DENND3: variants seen among roughly 807,000 people sequenced by gnomAD.
DENND3 encodes DENN domain-containing protein 3.
A neutral mutation model predicts 135.1 loss-of-function variants in DENND3; 88 were observed. The observed-to-expected ratio is 0.65, with a 90% CI of 0.55 to 0.78. The LOEUF is 0.78. Ranked by LOEUF, DENND3 falls within the 30% of genes least tolerant of loss-of-function variation. DENND3 has a pLI of 0.00. For synonymous variants in DENND3, 693 were observed against 712.3 expected (o/e 0.97, Z 0.43); for missense variants, 1,392 against 1,688.4 (o/e 0.82, Z 3.08).
In DENND3 at chr8:141,156,003, A is replaced by G. The variant is rs767743519; in HGVS notation, c.1196+33A>G. On this transcript the variant is annotated intron_variant, in intron 8 of 22. Transcript: ENST00000519811. The stretch of plus-strand genomic sequence containing the variant: ...GAAACATTAATGGTATGAATTTCAG[A>G]CCGTCTTTGTTCAGATTCTGTATTT... The G allele has an allele frequency of 1.1e-5, 17 of 1,574,026 alleles. No homozygotes were observed. In the East Asian group the frequency reaches 3.9e-4, roughly 36 times the overall value.
Position 141,182,945 on chromosome 8 carries a change from C to T in DENND3, c.2944+2091C>T, listed in dbSNP as rs1003392495. ...CACTGGAATCGCACCCCAGAAAGAC[C>T]GGGAGGCCTGCCCTTCTGGACTCAG... On this transcript the variant is annotated intron_variant, in intron 17 of 22. Transcript: ENST00000519811. This position sits in a 1 kb window ranked among gnomAD's most constrained non-coding sequence, Gnocchi z 5.9. Among the ~76,000 whole-genome samples, 5 of 152,214 alleles carry T rather than the reference C, an allele frequency of 3.3e-5. No individual in the cohort carries two copies. Among genetic ancestry groups the T allele is most frequent in the Admixed American group, 6.5e-5 (1 of 15,282 alleles).
chr8:141,175,456 A>T lies in DENND3; in HGVS notation c.2532A>T (p.Ile844=). The T allele has an allele frequency of 6.2e-7, 1 of 1,614,242 alleles. No individual in the cohort carries two copies. Among genetic ancestry groups the T allele is most frequent in the South Asian group, 1.1e-5 (1 of 91,082 alleles). Residue 844 remains isoleucine, a synonymous_variant, in exon 14 of 23, where the codon ATA becomes ATT. Coordinates refer to ENST00000519811, the MANE Select transcript of DENND3 (RefSeq NM_001352890.3). This position sits in a 1 kb window ranked among gnomAD's most constrained non-coding sequence, Gnocchi z 5.4. ...TGGAGATTTCCACCTTCAGAAATAT[A>T]GAGGTAAGGACAGCACAGGCAGACG... ...GYLEISTFRN[I]EEVRRTTTTF... is the part of the protein sequence containing the mutation.
intron 22 of DENND3, chr8:141,192,911 G>A: frequency 1.4e-6 from 2 of 1,467,220 alleles, no homozygotes; most frequent in African/African-American, 1.4e-5. Flanking sequence ...TCAAATGACA[G>A]AACTTAATTT....
At chr8:141,132,919 C>T (rs191060739) in intron 1 of DENND3, among the ~76,000 whole-genome samples, 31 of 152,272 alleles carry the variant, frequency 2.0e-4, no homozygotes, top group African/African-American at 6.7e-4. Flanking sequence ...GAATGAGGAA[C>T]GATATCGCCT....
At chr8:141,181,046 C>G (rs1823031764) in intron 17 of DENND3, among the ~76,000 whole-genome samples, 192 bp downstream of exon 17, 1 of 152,204 alleles carries the variant, frequency 6.6e-6, no homozygotes, top group African/African-American at 2.4e-5. Context: ...TCCACGGACT[C>G]AGCCTCACGG....
chr8:141,135,843 T>G (rs886357344), intron 1 of DENND3, among the ~76,000 whole-genome samples: 4 of 152,196 alleles, frequency 2.6e-5, no homozygotes, highest in African/African-American at 9.7e-5. Flanking sequence ...TTTTATTGAT[T>G]TGAGGGACTG....
intron 1 of DENND3, among the ~76,000 whole-genome samples, chr8:141,134,457 G>A (rs901951257): frequency 1.3e-4 from 20 of 151,708 alleles, no homozygotes; most frequent in Middle Eastern, 3.4e-3. Flanking sequence ...CACCATGCCC[G>A]GCTAATTTTT....
rs1269538562 is a variant in DENND3 at position 141,151,811 on chromosome 8, C to T, written c.1048C>T (p.Leu350Phe). The T allele has an allele frequency of 6.2e-7, 1 of 1,614,244 alleles. No individual in the cohort carries two copies. Among genetic ancestry groups the T allele is most frequent in the Middle Eastern group, 1.7e-4 (1 of 6,048 alleles). Residue 350 changes from leucine to phenylalanine, a missense_variant, in exon 7 of 23, where the codon CTC becomes TTC. Coordinates refer to ENST00000519811, the MANE Select transcript of DENND3 (RefSeq NM_001352890.3). ...CACGTCCTTCCTGATGGGCTGCCAT[C>T]TCGACCACTTCGAAGAAGTCAGCAA... Reference protein sequence around the residue: ...APTSFLMGCHLDHFEEVSKEA... With the variant: ...APTSFLMGCHFDHFEEVSKEA...
rs1229006801 is a variant in DENND3 at position 141,150,948 on chromosome 8, C to CT, written c.851dup (p.Gln285ThrfsTer27). On this transcript the variant is annotated frameshift_variant, in exon 6 of 23. Transcript: ENST00000519811. LOFTEE classifies it high-confidence loss of function. ...GCTGTGCTTCAGGCCTGAGAAGGTG[C>CT]TACAGGTACGCGGCCCCGCCCCGGC... 6.4e-7 allele frequency: 1 copy of CT among 1,571,504 alleles called. No homozygotes were observed. The highest frequency in any genetic ancestry group is 2.0e-5 in the Admixed American group (1 of 49,296).
Position 141,167,613 on chromosome 8 carries a change from C to T in DENND3, c.1754-391C>T, listed in dbSNP as rs953837785. On this transcript the variant is annotated intron_variant, in intron 12 of 22. Transcript: ENST00000519811. This position sits in a 1 kb window ranked among gnomAD's most constrained non-coding sequence, Gnocchi z 4.1. ...GTAGAACGGGACTATAGTAATAATA[C>T]CCCTGTCCTGAGTTGTCTTTAAGGT... is the stretch of plus-strand genomic sequence containing the variant. Among the ~76,000 whole-genome samples the T allele has an allele frequency of 6.6e-6, 1 of 152,184 alleles. No individual in the cohort carries two copies. Among genetic ancestry groups the T allele is most frequent in the Non-Finnish European group, 1.5e-5 (1 of 68,036 alleles).
chr8:141,161,603 C>T (rs1321876364), intron 9 of DENND3, among the ~76,000 whole-genome samples: 1 of 152,184 alleles, frequency 6.6e-6, no homozygotes. Context: ...TTCTCCCACC[C>T]TTTCTCCTTT....
At chr8:141,155,745 G>T in intron 7 of DENND3, 104 bp from the exon 8 acceptor site, 1 of 1,386,018 alleles carries the variant, frequency 7.2e-7, no homozygotes, top group South Asian at 1.5e-5. Context: ...AATTAATGAT[G>T]ACACTGTCTT....
intron 7 of DENND3, 36 bp from the exon 8 acceptor site, chr8:141,155,813 T>C (rs1231127238): frequency 6.5e-7 from 1 of 1,546,464 alleles, no homozygotes; most frequent in Non-Finnish European, 8.7e-7. Context: ...CCGAAATTCT[T>C]TTATCAATCT....
chr8:141,186,854 CCT>C (rs1299880813), intron 18 of DENND3, among the ~76,000 whole-genome samples: 5 of 152,132 alleles, frequency 3.3e-5, no homozygotes, highest in African/African-American at 4.8e-5. Flanking sequence ...GGGGATTTTC[CCT>C]GTTTGCCCGT....
At position 141,139,915 on chromosome 8, in the gene DENND3, CT is replaced by C. The variant is rs34384181; in HGVS notation, c.502-1276del. Reference sequence around the variant, plus strand: ...CGCTATATCTATCGTTTTTTTCTTTCTTTTTTTTTTTTGAGACAGTCTCGCT... The same window carrying C: ...CGCTATATCTATCGTTTTTTTCTTTCTTTTTTTTTTTGAGACAGTCTCGCT... On this transcript the variant is annotated intron_variant, in intron 3 of 22. Transcript: ENST00000519811. This position sits in a 1 kb window ranked among gnomAD's most constrained non-coding sequence, Gnocchi z 4.2. Among the ~76,000 whole-genome samples the C allele has an allele frequency of 0.25, 36,814 of 145,908 alleles. 4,761 individuals are homozygous for C. The highest frequency in any genetic ancestry group is 0.3 in the Non-Finnish European group (19,967 of 66,276).
At chr8:141,152,587 A>G (rs1398503923) in intron 7 of DENND3, among the ~76,000 whole-genome samples, 1 of 152,120 alleles carries the variant, frequency 6.6e-6, no homozygotes, top group Non-Finnish European at 1.5e-5. Flanking sequence ...CTAGGGTTTC[A>G]TTGTATAAAT....
At chr8:141,143,205 G>A (rs1326965631) in intron 4 of DENND3, among the ~76,000 whole-genome samples, 1 of 152,164 alleles carries the variant, frequency 6.6e-6, no homozygotes, top group South Asian at 2.1e-4. Flanking sequence ...ATGTCTCCAC[G>A]TGGACAAAAA....
chr8:141,131,791 T>C (rs951723322), intron 1 of DENND3, among the ~76,000 whole-genome samples: 1 of 152,088 alleles, frequency 6.6e-6, no homozygotes, highest in Non-Finnish European at 1.5e-5. Context: ...GGTTATTGGG[T>C]AGGGGTTTAA....
intron 18 of DENND3, chr8:141,185,479 T>G (rs1352060177): frequency 3.2e-6 from 2 of 618,604 alleles, no homozygotes; most frequent in Non-Finnish European, 5.3e-6. Flanking sequence ...CACGTCCTTA[T>G]TGAAGGAGAA....
Sources: gnomAD v4.1 joint callset for allele counts (sites outside exome capture counted in the v4.1 genomes callset) on GRCh38, gnomAD v4.1.1 for gene constraint, Gnocchi (gnomAD v3.1) non-coding constraint, MANE v1.5 for transcripts, NCBI Gene and HGNC (gene_info 2026-07-23, HGNC 2026-07-21) for gene names.